PIGN: variants seen among roughly 807,000 people sequenced by gnomAD.
PIGN encodes the protein phosphatidylinositol glycan anchor biosynthesis class N.
PIGN carries 117 observed loss-of-function variants against 125.4 expected under a neutral mutation model. The ratio of observed to expected loss-of-function variants is 0.93; its 90% confidence interval spans 0.80 to 1.09. The LOEUF is 1.09. Ranked by LOEUF, PIGN falls within the 50% of genes least tolerant of loss-of-function variation. The pLI is 0.00. For missense variants in PIGN, 1,075 were observed against 1,094.9 expected, an observed-to-expected ratio of 0.98 and a Z score of 0.26; for synonymous variants, 392 against 377.8, an observed-to-expected ratio of 1.04 and a Z score of -0.44.
intron 2 of PIGN, chr18:62,162,631 G>A (rs1568246650): frequency 1.3e-5 from 2 of 151,988 alleles, no homozygotes; most frequent in Non-Finnish European, 2.9e-5. Flanking sequence ...GAGAACCAAG[G>A]GTCAACTAAA....
At chr18:62,186,393 T>C (rs1440794031) in intron 1 of PIGN, 10 of 152,282 alleles carry the variant, frequency 6.6e-5, no homozygotes, top group Admixed American at 5.9e-4. Context: ...AGTTTACTTA[T>C]CTGTCTACTG....
chr18:62,186,827 T>G lies in PIGN; in HGVS notation c.-236+17A>C, dbSNP rs916369159. The G allele has an allele frequency of 6.6e-6, 1 of 152,330 alleles. No homozygotes were observed. The highest frequency in any genetic ancestry group is 1.5e-5 in the Non-Finnish European group (1 of 68,122). The allele number at this position is 152,330 out of a possible 1,614,324, so 9.4% of individuals were successfully genotyped here. A position where few individuals can be genotyped will look rare whatever the true frequency, so the allele number is the denominator to read the frequency against. On this transcript the variant is annotated intron_variant, in intron 1 of 30. Transcript: ENST00000640252. ...TTGGGCGCCGACACCCTCCGCGCAC[T>G]GGTCCCTGAACTTTACCTGGAGCTT...
intron 14 of PIGN, among the ~76,000 whole-genome samples, chr18:62,129,811 A>T (rs910339332): frequency 2.6e-5 from 4 of 152,226 alleles, no homozygotes; most frequent in African/African-American, 9.6e-5. Flanking sequence ...AATGTAAACT[A>T]TTAATTTCTG....
At chr18:62,125,936 A>G (rs1490435941) in intron 14 of PIGN, among the ~76,000 whole-genome samples, 2 of 152,102 alleles carry the variant, frequency 1.3e-5, no homozygotes, top group Non-Finnish European at 2.9e-5. Flanking sequence ...TCTGAATAAC[A>G]ATTCTGAAAT....
intron 14 of PIGN, among the ~76,000 whole-genome samples, chr18:62,116,931 T>C (rs1018751475): frequency 2.6e-5 from 4 of 152,092 alleles, no homozygotes; most frequent in African/African-American, 9.7e-5. Context: ...TGAAGTCTTA[T>C]GAAGAATAAG....
At chr18:62,072,856 A>T in intron 29 of PIGN, 131 bp from the exon 30 acceptor site, 2 of 581,516 alleles carry the variant, frequency 3.4e-6, no homozygotes, top group Non-Finnish European at 2.9e-6. Context: ...ATCAACAAGA[A>T]TATGTCATTT....
chr18:62,021,289 T>C (rs1292994065), intron 23 of PIGN, among the ~76,000 whole-genome samples: 1 of 152,126 alleles, frequency 6.6e-6, no homozygotes, highest in Non-Finnish European at 1.5e-5. Context: ...CAAATTGTTG[T>C]GTATGTCAAG....
At chr18:62,182,751 A>C (rs1278141673) in intron 1 of PIGN, among the ~76,000 whole-genome samples, 4 of 151,808 alleles carry the variant, frequency 2.6e-5, no homozygotes, top group African/African-American at 9.7e-5. Flanking sequence ...CCTTCTGTGA[A>C]GCATTCACTG....
chr18:62,117,181 C>G (rs1026840847), intron 14 of PIGN, among the ~76,000 whole-genome samples: 2 of 152,180 alleles, frequency 1.3e-5, no homozygotes, highest in East Asian at 3.9e-4. Context: ...GACTCTCATA[C>G]ACTTGTCCCC....
intron 23 of PIGN, among the ~76,000 whole-genome samples, chr18:62,023,091 G>T (rs1219570800): frequency 2.0e-5 from 3 of 151,948 alleles, no homozygotes; most frequent in Non-Finnish European, 4.4e-5. Context: ...ATCCGCTATT[G>T]GTTGAATCCA....
intron 22 of PIGN, among the ~76,000 whole-genome samples, chr18:62,096,970 T>A (rs2034233219): frequency 6.6e-6 from 1 of 151,654 alleles, no homozygotes. Flanking sequence ...TTTGCTATTG[T>A]GAATAGTGCC....
At chr18:62,051,702 T>G (rs1437554666) in intron 30 of PIGN, 4 of 152,068 alleles carry the variant, frequency 2.6e-5, no homozygotes, top group African/African-American at 9.7e-5. Flanking sequence ...TCTATTTCCT[T>G]CAGTTGTGCT....
At chr18:62,137,054 G>A in intron 14 of PIGN, 2 of 398,646 alleles carry the variant, frequency 5.0e-6, no homozygotes, top group Non-Finnish European at 8.8e-6. Flanking sequence ...TTGAGTCAGT[G>A]GAGTGGGAGA....
At chr18:62,017,733 G>A (rs2029998422) in exon 24 of PIGN, 1 of 151,606 alleles carries the variant, frequency 6.6e-6, no homozygotes, top group Non-Finnish European at 1.5e-5. Flanking sequence ...GTCAGGCCCA[G>A]TGAAGTGCCT....
intron 19 of PIGN, among the ~76,000 whole-genome samples, chr18:62,106,214 C>G (rs768520360): frequency 2.0e-5 from 3 of 152,144 alleles, no homozygotes; most frequent in Non-Finnish European, 4.4e-5. Flanking sequence ...AATAAATTCT[C>G]AGAGTAGAAA....
intron 11 of PIGN, 36 bp from the exon 12 acceptor site, chr18:62,140,515 G>A: frequency 9.2e-7 from 1 of 1,084,170 alleles, no homozygotes; most frequent in East Asian, 2.5e-5. Flanking sequence ...AGAAGTCTAT[G>A]GACATCAACA....
intron 23 of PIGN, among the ~76,000 whole-genome samples, chr18:62,024,092 T>C (rs765798571): frequency 2.0e-5 from 3 of 152,224 alleles, no homozygotes; most frequent in Non-Finnish European, 2.9e-5. Flanking sequence ...GAAATTAGGA[T>C]ACAAAGAGTT....
Position 62,049,024 on chromosome 18 carries a change from A to G in PIGN, c.2673-3045T>C, listed in dbSNP as rs28791560. On this transcript the variant is annotated intron_variant, in intron 30 of 30. Transcript: ENST00000640252. ...AATTTCATCCATGTCCCTACAAAGG[A>G]CATGAACTCATCCTTTTTTATGGCT... Among the ~76,000 whole-genome samples the G allele has an allele frequency of 9.8e-3, 1,495 of 152,108 alleles. 13 individuals are homozygous for G. Among genetic ancestry groups the G allele is most frequent in the East Asian group, 0.048 (251 of 5,176 alleles).
At chr18:62,142,232 C>G (rs1045033894) in intron 11 of PIGN, among the ~76,000 whole-genome samples, 2 of 152,176 alleles carry the variant, frequency 1.3e-5, no homozygotes, top group Non-Finnish European at 2.9e-5. Context: ...TTGAAACACA[C>G]CACAGACACA....
Sources: allele counts gnomAD v4.1 joint callset (sites outside exome capture counted in the v4.1 genomes callset), GRCh38; gene constraint gnomAD v4.1.1; transcripts MANE v1.5; gene names NCBI Gene and HGNC (gene_info 2026-07-23, HGNC 2026-07-21).